REC8: variants seen among roughly 807,000 people sequenced by gnomAD.
REC8 encodes meiotic recombination protein REC8 homolog.
A neutral mutation model predicts 78.3 loss-of-function variants in REC8; 42 were observed. The observed-to-expected ratio is 0.54, with a 90% CI of 0.42 to 0.69. The LOEUF is 0.69. Among genes scored for constraint, REC8 ranks in the 30% least tolerant of loss-of-function variants. REC8 has a pLI of 0.00. For missense variants in REC8, 581 were observed against 715.8 expected (o/e 0.81, Z 2.15); for synonymous variants, 268 against 274.1 (o/e 0.98, Z 0.22).
At position 24,178,118 on chromosome 14, in the gene REC8, C is replaced by A. The variant is rs1452414847; in HGVS notation, c.892C>A (p.Arg298Ser). 1 of 1,613,546 alleles carries A rather than the reference C, an allele frequency of 6.2e-7. No homozygotes were observed. Among genetic ancestry groups the A allele is most frequent in the African/African-American group, 1.3e-5 (1 of 74,914 alleles). The change falls in exon 12 of 19, where the codon CGC (arginine) becomes AGC (serine). Residue 298 changes from arginine (R) to serine (S), a missense_variant. Physicochemically the swap from Arg to Ser is moderately radical, Grantham distance 110. Coordinates refer to ENST00000611366, the MANE Select transcript of REC8 (RefSeq NM_001048205.2). ...GAGGCCCCCAGTCCCCCCACCTCCT[C>A]GCCGCCGCCGTCGTCGCCGGTTACT... is the stretch of plus-strand genomic sequence containing the variant. ...ERRPPVPPPP[R>S]RRRRRRLLFW...
Position 24,177,241 on chromosome 14 carries a change from G to A in REC8, c.706+19G>A, listed in dbSNP as rs199549268. The A allele has an allele frequency of 2.0e-4, 329 of 1,613,222 alleles. No individual in the cohort carries two copies. Among genetic ancestry groups the A allele is most frequent in the Middle Eastern group, 8.2e-4 (5 of 6,084 alleles). On this transcript the variant is annotated intron_variant, in intron 8 of 18. Coordinates refer to ENST00000611366, the MANE Select transcript of REC8 (RefSeq NM_001048205.2). ...TTAGAAAGTAGGTGTCTCCGGCAGC[G>A]TAGGGCCCGCCTGGAGCTGGATAGT...
chr14:24,177,568 T>A (rs2038956470), intron 10 of REC8, 27 bp downstream of exon 10: 2 of 1,602,518 alleles, frequency 1.2e-6, no homozygotes, highest in Non-Finnish European at 1.7e-6. Flanking sequence ...CCCCAGGGGC[T>A]TTTCTGGGAG....
In REC8 at chr14:24,180,093, T is replaced by G; in HGVS notation, c.1642T>G (p.Ter548GlyextTer2). The G allele has an allele frequency of 6.2e-7, 1 of 1,614,152 alleles. No homozygotes were observed. The highest frequency in any genetic ancestry group is 8.5e-7 in the Non-Finnish European group (1 of 1,180,044). The change falls in exon 19 of 19, where the codon TGA becomes GGA. Residue 548 changes from the stop codon to glycine (G), a stop_lost. Transcript: ENST00000611366. ...LLIQPGPRFH* is the reference protein window; with the variant it reads ...LLIQPGPRFHG The stretch of plus-strand genomic sequence containing the variant: ...GATCCAGCCGGGGCCCAGATTCCAC[T>G]GAGGTTAGAGTCCATTTACAAAGCT...
In REC8 at chr14:24,179,713, G is replaced by A. The variant is rs761619102; in HGVS notation, c.1438G>A (p.Glu480Lys). ...LPPELELLSL[E>K]AVHRAVALEL... Reference sequence around the variant, plus strand: ...CCCAGAGCTCGAGCTGCTCTCACTGGAAGCAGTGCACAGGTACCAGGGAGG... The same window carrying A: ...CCCAGAGCTCGAGCTGCTCTCACTGAAAGCAGTGCACAGGTACCAGGGAGG... Residue 480 changes from glutamate (E) to lysine (K), a missense_variant, in exon 17 of 19, where the codon GAA (glutamate) becomes AAA (lysine). Physicochemically the swap from Glu to Lys is moderately conservative, Grantham distance 56. Transcript: ENST00000611366. 37 of 1,614,098 alleles carry A rather than the reference G, an allele frequency of 2.3e-5. 1 individual carries two copies. In the South Asian group the frequency reaches 3.8e-4, roughly 17 times the overall value.
Position 24,172,749 on chromosome 14 carries a change from C to T in REC8, c.93C>T (p.Arg31=), listed in dbSNP as rs779322213. The change falls in exon 2 of 19, where the codon CGC becomes CGT. Residue 31 remains arginine (R), a synonymous_variant. Transcript: ENST00000611366. ...CTCGCGGCAGCCGGTTGGTGAAGCGCGAATACCTGAGGGTGAATGTGGTGA... is the reference window on the plus strand; with the variant it reads ...CTCGCGGCAGCCGGTTGGTGAAGCGTGAATACCTGAGGGTGAATGTGGTGA... ...AATRGSRLVK[R]EYLRVNVVKT... 13 of 1,614,040 alleles carry T rather than the reference C, an allele frequency of 8.1e-6. No individual in the cohort carries two copies. The East Asian group carries it at 1.3e-4, about 17-fold the overall frequency.
At chr14:24,178,474 G>A in intron 12 of REC8, 132 bp from the exon 13 acceptor site, 4 of 976,818 alleles carry the variant, frequency 4.1e-6, no homozygotes, top group Non-Finnish European at 6.1e-6. Flanking sequence ...GCAATGAGCA[G>A]GGCAGGCAGG....
intron 12 of REC8, 21 bp from the exon 13 acceptor site, chr14:24,178,585 T>C (rs2039009232): frequency 1.9e-6 from 3 of 1,612,922 alleles, no homozygotes; most frequent in Non-Finnish European, 2.5e-6. Flanking sequence ...ATGGGGCTTC[T>C]GACCTTCCCC....
chr14:24,178,761 A>G lies in REC8; in HGVS notation c.1064-16A>G, dbSNP rs2039021462. 9 of 1,607,848 alleles carry G rather than the reference A, an allele frequency of 5.6e-6. No individual in the cohort carries two copies. In the East Asian group the frequency reaches 2.0e-4, roughly 36 times the overall value. On this transcript the variant is annotated splice_polypyrimidine_tract_variant and intron_variant, in intron 13 of 18. Coordinates refer to ENST00000611366, the MANE Select transcript of REC8 (RefSeq NM_001048205.2). Reference sequence around the variant, plus strand: ...TCACGCCTCAAACCCCGTGCCTACTACCCTCTTGTCCACAGCTGGCTGGCT... The same window carrying G: ...TCACGCCTCAAACCCCGTGCCTACTGCCCTCTTGTCCACAGCTGGCTGGCT...
chr14:24,177,899 C>T (rs899851952), intron 11 of REC8, 141 bp downstream of exon 11: 55 of 1,475,900 alleles, frequency 3.7e-5, no homozygotes, highest in African/African-American at 1.8e-4. Context: ...TACGCCCCAT[C>T]GTATCTGGCC....
Position 24,179,144 on chromosome 14 carries a change from A to C in REC8, c.1252+11A>C. 1 of 1,565,792 alleles carries C rather than the reference A, an allele frequency of 6.4e-7. No homozygotes were observed. Among genetic ancestry groups the C allele is most frequent in the African/African-American group, 1.4e-5 (1 of 73,472 alleles). ...TTATGGTGTCTTTAGGTAAGCACCT[A>C]GAGAAGAGGCGCAGTGGGACCACAC... On this transcript the variant is annotated intron_variant, in intron 15 of 18. Transcript: ENST00000611366.
intron 5 of REC8, among the ~76,000 whole-genome samples, chr14:24,174,660 C>T (rs2139126302): frequency 6.6e-6 from 1 of 152,282 alleles, no homozygotes; most frequent in South Asian, 2.1e-4. Flanking sequence ...CTAGTTTGGC[C>T]CTTATGCCTC....
At chr14:24,174,906 T>G (rs903354370) in intron 5 of REC8, among the ~76,000 whole-genome samples, 12 of 152,110 alleles carry the variant, frequency 7.9e-5, no homozygotes, top group African/African-American at 2.9e-4. Context: ...CATACAACCT[T>G]GTCTCCCCAC....
intron 2 of REC8, 50 bp from the exon 3 acceptor site, chr14:24,172,849 T>C (rs1273358947): frequency 3.1e-6 from 5 of 1,613,474 alleles, no homozygotes; most frequent in Non-Finnish European, 4.2e-6. Flanking sequence ...TGGCCAAGAC[T>C]GTGGGCCCAC....
chr14:24,177,757 A>G lies in REC8; in HGVS notation c.863A>G (p.Glu288Gly). The change falls in exon 11 of 19, where the codon GAG becomes GGG. Residue 288 changes from glutamate (E) to glycine (G), a missense_variant and splice_region_variant. Physicochemically the swap from Glu to Gly is moderately conservative, Grantham distance 98. Coordinates refer to ENST00000611366, the MANE Select transcript of REC8 (RefSeq NM_001048205.2). ...ELRLPAPPSPERRPPVPPPPR... is the reference protein window; with the variant it reads ...ELRLPAPPSPGRRPPVPPPPR... ...CGTCTGCCAGCCCCACCCAGCCCAG[A>G]GGTGAGTAGCCTCCCTTCTAATCCT... 6.2e-7 allele frequency: 1 copy of G among 1,603,374 alleles called. No individual in the cohort carries two copies. The highest frequency in any genetic ancestry group is 8.5e-7 in the Non-Finnish European group (1 of 1,175,370).
At chr14:24,178,555 T>C (rs1216281514) in intron 12 of REC8, 51 bp from the exon 13 acceptor site, 4 of 1,587,530 alleles carry the variant, frequency 2.5e-6, no homozygotes, top group African/African-American at 2.7e-5. Context: ...AAAGGGGCCC[T>C]GAGGAGTGGC....
rs755617539 is a variant in REC8, at chr14:24,172,741, G to C, written c.85G>C (p.Val29Leu). 19 of 1,614,116 alleles carry C rather than the reference G, an allele frequency of 1.2e-5. No homozygotes were observed. The East Asian group carries it at 3.8e-4, about 32-fold the overall frequency. ...GGCGGCGACTCGCGGCAGCCGGTTGGTGAAGCGCGAATACCTGAGGGTGAA... is the reference window on the plus strand; with the variant it reads ...GGCGGCGACTCGCGGCAGCCGGTTGCTGAAGCGCGAATACCTGAGGGTGAA... Reference protein sequence around the residue: ...WLAATRGSRLVKREYLRVNVV... With the variant: ...WLAATRGSRLLKREYLRVNVV... Residue 29 changes from valine (V) to leucine (L), a missense_variant, in exon 2 of 19, where the codon GTG becomes CTG. By Grantham distance (32) the Val-to-Leu change is conservative. Coordinates refer to ENST00000611366, the MANE Select transcript of REC8 (RefSeq NM_001048205.2).
intron 11 of REC8, 161 bp from the exon 12 acceptor site, chr14:24,177,930 C>G: frequency 1.3e-6 from 2 of 1,497,968 alleles, no homozygotes; most frequent in Non-Finnish European, 1.8e-6. Flanking sequence ...AGATGGGTAC[C>G]CTTATGCAAG....
In REC8 at chr14:24,176,884, C is replaced by G; in HGVS notation, c.607C>G (p.Arg203Gly). 1 of 1,613,580 alleles carries G rather than the reference C, an allele frequency of 6.2e-7. No homozygotes were observed. Residue 203 changes from arginine (R) to glycine (G), a missense_variant, in exon 7 of 19, where the codon CGG becomes GGG. Transcript: ENST00000611366. ...AITILEAEPI[R>G]MLEIEGEREL... The stretch of plus-strand genomic sequence containing the variant: ...CACGATCCTGGAGGCAGAGCCCATA[C>G]GGATGCTGGAGATTGAGGTGAGTTC...
chr14:24,176,108 C>A lies in REC8; in HGVS notation c.544+484C>A, dbSNP rs910205516. 2.0e-5 allele frequency among the ~76,000 whole-genome samples: 3 copies of A among 151,928 alleles called. No homozygotes were observed. In the East Asian group the frequency reaches 5.8e-4, roughly 29 times the overall value. On this transcript the variant is annotated intron_variant, in intron 6 of 18. Transcript: ENST00000611366. Reference sequence around the variant, plus strand: ...GAGAGATGGGGTATCACTCTCTAGCCCAGGCTGGAGTACAGTGGTGCACTT... The same window carrying A: ...GAGAGATGGGGTATCACTCTCTAGCACAGGCTGGAGTACAGTGGTGCACTT...
Sources: allele counts gnomAD v4.1 joint callset (sites outside exome capture counted in the v4.1 genomes callset), GRCh38; gene constraint gnomAD v4.1.1; transcripts MANE v1.5; gene names NCBI Gene and HGNC (gene_info 2026-07-23, HGNC 2026-07-21).